Variants in EYA4 observed in about 807,000 individuals in gnomAD.
EYA4 encodes the protein protein phosphatase EYA4.
EYA4 carries 31 observed loss-of-function variants against 87.9 expected under a neutral mutation model. That is an observed-to-expected ratio of 0.35 (90% CI 0.27 to 0.48). The LOEUF is 0.48. Among genes scored for constraint, EYA4 ranks in the 20% least tolerant of loss-of-function variants. EYA4 has a pLI of 0.99. For missense variants in EYA4, 678 were observed against 761.4 expected, an observed-to-expected ratio of 0.89 and a Z score of 1.29; for synonymous variants, 263 against 270.6, an observed-to-expected ratio of 0.97 and a Z score of 0.28.
intron 3 of EYA4, among the ~76,000 whole-genome samples, chr6:133,410,158 G>C (rs542199368): frequency 6.2e-4 from 95 of 152,198 alleles, no homozygotes; most frequent in African/African-American, 2.2e-3. Flanking sequence ...TGTCCTAAGT[G>C]TTCTTAGTAT....
intron 14 of EYA4, 35 bp downstream of exon 14, chr6:133,506,230 A>G (rs1182759304): frequency 8.9e-7 from 1 of 1,117,448 alleles, no homozygotes; most frequent in Admixed American, 1.7e-5. Flanking sequence ...AGTTGTATCC[A>G]ACACCAGACC....
chr6:133,333,202 A>G (rs6924629), intron 2 of EYA4, among the ~76,000 whole-genome samples: 40,730 of 152,126 alleles, frequency 0.27, 7,132 homozygotes, highest in East Asian at 0.49. Flanking sequence ...GAAGGCAAGG[A>G]TCATGCTGAA....
intron 3 of EYA4, among the ~76,000 whole-genome samples, chr6:133,445,520 A>G (rs1292505395): frequency 6.7e-6 from 1 of 148,656 alleles, no homozygotes; most frequent in Non-Finnish European, 1.5e-5. Context: ...CCATGAAAGC[A>G]TGTGTAGCTT....
intron 2 of EYA4, among the ~76,000 whole-genome samples, chr6:133,315,405 A>C (rs1345073996): frequency 6.6e-6 from 1 of 152,176 alleles, no homozygotes; most frequent in African/African-American, 2.4e-5. Context: ...TTATGTGTAA[A>C]CTTTATTTTT....
intron 5 of EYA4, among the ~76,000 whole-genome samples, chr6:133,454,420 G>C (rs1382393397): frequency 6.6e-6 from 1 of 152,146 alleles, no homozygotes; most frequent in Non-Finnish European, 1.5e-5. Flanking sequence ...TTCTTGATTA[G>C]CTAGTGCTGC....
Position 133,468,626 on chromosome 6 carries a change from A to T in EYA4, c.865A>T (p.Thr289Ser). 1 of 1,612,818 alleles carries T rather than the reference A, an allele frequency of 6.2e-7. No individual in the cohort carries two copies. The highest frequency in any genetic ancestry group is 8.5e-7 in the Non-Finnish European group (1 of 1,179,064). Reference sequence around the variant, plus strand: ...GTATGCACAGTATTATTCAGCATCAACGTATGGAGCGTATATGACATCGAA... The same window carrying T: ...GTATGCACAGTATTATTCAGCATCATCGTATGGAGCGTATATGACATCGAA... ...NQYAQYYSAS[T>S]YGAYMTSNNT... Residue 289 changes from threonine to serine, a missense_variant, in exon 11 of 20, where the codon ACG (threonine) becomes TCG (serine). Coordinates refer to ENST00000355286, the MANE Select transcript of EYA4 (RefSeq NM_004100.5).
chr6:133,477,013 T>C (rs1562465673), intron 11 of EYA4, among the ~76,000 whole-genome samples: 1 of 151,960 alleles, frequency 6.6e-6, no homozygotes, highest in African/African-American at 2.4e-5. Flanking sequence ...TATACATGTT[T>C]GGTAGTTCCT....
intron 13 of EYA4, among the ~76,000 whole-genome samples, chr6:133,488,356 A>G (rs1440226971): frequency 1.3e-5 from 2 of 152,180 alleles, no homozygotes; most frequent in African/African-American, 2.4e-5. Context: ...GAATCATACA[A>G]ACTTGGCTAG....
chr6:133,355,139 T>G (rs1036480708), intron 2 of EYA4, among the ~76,000 whole-genome samples: 1 of 152,206 alleles, frequency 6.6e-6, no homozygotes, highest in Non-Finnish European at 1.5e-5. Flanking sequence ...GTTTGTTACA[T>G]AGGTAAACTT....
intron 3 of EYA4, among the ~76,000 whole-genome samples, chr6:133,392,691 G>A (rs17062425): frequency 0.061 from 9,310 of 152,232 alleles, 870 homozygotes; most frequent in African/African-American, 0.2. Flanking sequence ...TGCATATAAA[G>A]CCTGAAATAA....
intron 13 of EYA4, among the ~76,000 whole-genome samples, chr6:133,483,722 ATTATT>A (rs10540822): frequency 0.34 from 47,750 of 138,518 alleles, 9,457 homozygotes; most frequent in Non-Finnish European, 0.44. Flanking sequence ...TATTATTATT[ATTATT>A]ATTATTATTA....
At chr6:133,487,950 C>G (rs528149352) in intron 13 of EYA4, among the ~76,000 whole-genome samples, 51 of 152,222 alleles carry the variant, frequency 3.4e-4, no homozygotes, top group African/African-American at 1.2e-3. Flanking sequence ...TGATTCCAGG[C>G]CATGGCTCTT....
chr6:133,248,106 G>C (rs1479369383), intron 1 of EYA4: 24 of 152,100 alleles, frequency 1.6e-4, no homozygotes, highest in Admixed American at 1.6e-3. Context: ...TGTAGTTACA[G>C]GTCTGAATGA....
chr6:133,413,416 T>G (rs1272379556), intron 3 of EYA4, among the ~76,000 whole-genome samples: 1 of 149,866 alleles, frequency 6.7e-6, no homozygotes, highest in East Asian at 2.0e-4. Flanking sequence ...ACTTTTGTGT[T>G]AACCCAGTGA....
intron 1 of EYA4, among the ~76,000 whole-genome samples, chr6:133,265,874 G>A (rs1383481323): frequency 2.6e-5 from 4 of 152,192 alleles, no homozygotes; most frequent in Non-Finnish European, 5.9e-5. Context: ...TATCTTTCCT[G>A]AAGTCTTATT....
At chr6:133,276,828 C>T (rs754483566) in intron 2 of EYA4, among the ~76,000 whole-genome samples, 26 of 150,244 alleles carry the variant, frequency 1.7e-4, no homozygotes, top group Non-Finnish European at 3.5e-4. Context: ...ACTCCAAGTC[C>T]AAAGCTCTCT....
At chr6:133,364,385 A>G (rs1784698659) in intron 2 of EYA4, among the ~76,000 whole-genome samples, 1 of 152,158 alleles carries the variant, frequency 6.6e-6, no homozygotes, top group Non-Finnish European at 1.5e-5. Context: ...CACTTGCACC[A>G]CCCAGATTGC....
chr6:133,396,547 G>A (rs1787816109), intron 3 of EYA4, among the ~76,000 whole-genome samples: 1 of 152,218 alleles, frequency 6.6e-6, no homozygotes, highest in Non-Finnish European at 1.5e-5. Flanking sequence ...ATAGTTTACT[G>A]TGGCTGAGAC....
intron 3 of EYA4, among the ~76,000 whole-genome samples, chr6:133,431,127 G>A (rs1215077919): frequency 6.6e-6 from 1 of 152,126 alleles, no homozygotes; most frequent in East Asian, 1.9e-4. Flanking sequence ...TGGGATGTAG[G>A]GAATTGGGGC....
Sources: gnomAD v4.1 joint callset for allele counts (sites outside exome capture counted in the v4.1 genomes callset) on GRCh38, gnomAD v4.1.1 for gene constraint, MANE v1.5 for transcripts, NCBI Gene and HGNC (gene_info 2026-07-23, HGNC 2026-07-21) for gene names.